The following CREBL2 variants were observed in gnomAD, a reference collection of about 807,000 sequenced individuals.
CREBL2 encodes cAMP responsive element binding protein like 2.
CREBL2 carries 4 observed loss-of-function variants against 19.5 expected under a neutral mutation model. The ratio of observed to expected loss-of-function variants is 0.20; its 90% CI spans 0.10 to 0.47. The LOEUF (loss-of-function observed/expected upper bound fraction) is 0.47. Ranked by LOEUF, CREBL2 falls within the 20% of genes least tolerant of loss-of-function variation. CREBL2 has a pLI of 0.98. For missense variants in CREBL2, 85 were observed against 145.1 expected (o/e 0.59, Z 2.13); for synonymous variants, 42 against 46.6 (o/e 0.90, Z 0.40).
intron 3 of CREBL2, among the ~76,000 whole-genome samples, chr12:12,639,508 A>G (rs1945501362): frequency 6.6e-6 from 1 of 152,148 alleles, no homozygotes; most frequent in East Asian, 1.9e-4. Context: ...ATGGAGTGGT[A>G]TCTCATTGTG....
intron 1 of CREBL2, among the ~76,000 whole-genome samples, chr12:12,626,271 C>G (rs71457160): frequency 3.3e-5 from 5 of 152,200 alleles, no homozygotes; most frequent in African/African-American, 1.2e-4. Flanking sequence ...ACTGTGAAGC[C>G]TAGGCCATCC....
In CREBL2 at chr12:12,637,694, CAG is replaced by C; in HGVS notation, c.340_341del (p.Asp114CysfsTer2). ...AGCAGGCATACCAAGGCTGGGAAGA[CAG>C]ATGCTAATAGCAATTCCTGTAAGTG... is the stretch of plus-strand genomic sequence containing the variant. On this transcript the variant is annotated frameshift_variant, in exon 3 of 4. Transcript: ENST00000228865. LOFTEE classifies it high-confidence loss of function. 1 of 1,612,100 alleles carries C rather than the reference CAG, an allele frequency of 6.2e-7. No homozygotes were observed. The highest frequency in any genetic ancestry group is 8.5e-7 in the Non-Finnish European group (1 of 1,179,272).
chr12:12,619,646 C>T (rs935614196), intron 1 of CREBL2, among the ~76,000 whole-genome samples: 6 of 152,100 alleles, frequency 3.9e-5, no homozygotes, highest in Non-Finnish European at 8.8e-5. Flanking sequence ...CCTTGACCTG[C>T]TGCATTCAAT....
intron 1 of CREBL2, among the ~76,000 whole-genome samples, chr12:12,622,334 A>G (rs1426616844): frequency 2.0e-5 from 3 of 152,250 alleles, no homozygotes; most frequent in African/African-American, 7.2e-5. Flanking sequence ...TTCTGAAAAG[A>G]TAAAGAGTGA....
intron 1 of CREBL2, among the ~76,000 whole-genome samples, chr12:12,619,934 T>A (rs1195252227): frequency 6.6e-6 from 1 of 152,190 alleles, no homozygotes; most frequent in Non-Finnish European, 1.5e-5. Flanking sequence ...CTTTTAACCC[T>A]CTCCCTCTGC....
In CREBL2 at chr12:12,642,576, T is replaced by C. The variant is rs982824992; in HGVS notation, c.*578T>C. The C allele has an allele frequency of 6.6e-6, 1 of 152,644 alleles. No individual in the cohort carries two copies. Among genetic ancestry groups the C allele is most frequent in the Non-Finnish European group, 1.5e-5 (1 of 68,042 alleles). 9.5% of individuals were successfully genotyped at this position (152,644 alleles called of 1,614,324 possible). On this transcript the variant is annotated 3_prime_UTR_variant, in exon 4 of 4. Coordinates refer to ENST00000228865, the MANE Select transcript of CREBL2 (RefSeq NM_001310.4). ...TAAGCTGTGAATATGTATTAACAAA[T>C]ATATACATTTCTATTTTTATAATCC...
Position 12,612,043 on chromosome 12 carries a change from T to G in CREBL2, c.-130T>G. The G allele has an allele frequency of 8.1e-6, 9 of 1,111,962 alleles. No individual in the cohort carries two copies. In the South Asian group the frequency reaches 1.1e-4, roughly 13 times the overall value. The allele number at this position is 1,111,962 out of a possible 1,614,324, so 68.9% of individuals were successfully genotyped here. A position where few individuals can be genotyped will look rare whatever the true frequency, so the allele number is the denominator to read the frequency against. On this transcript the variant is annotated 5_prime_UTR_variant, in exon 1 of 4. Coordinates refer to ENST00000228865, the MANE Select transcript of CREBL2 (RefSeq NM_001310.4). ...TGACTCTGGCATCAGGGAAGCGAAC[T>G]GTTAGGCGAGAGGAGGAGGCAGCCA...
chr12:12,616,373 C>T (rs1198715449), intron 1 of CREBL2, among the ~76,000 whole-genome samples: 4 of 152,216 alleles, frequency 2.6e-5, no homozygotes, highest in Admixed American at 1.3e-4. Context: ...CCGTGAATTA[C>T]TTCCTAAAGG....
At chr12:12,630,112 G>A (rs751060219) in intron 1 of CREBL2, among the ~76,000 whole-genome samples, 10 of 152,054 alleles carry the variant, frequency 6.6e-5, no homozygotes, top group Non-Finnish European at 1.2e-4. Flanking sequence ...TATTGGCCTC[G>A]TGGAGTAAGT....
At chr12:12,624,034 A>G (rs950453883) in intron 1 of CREBL2, among the ~76,000 whole-genome samples, 2 of 152,172 alleles carry the variant, frequency 1.3e-5, no homozygotes, top group Admixed American at 6.5e-5. Flanking sequence ...GCTCCACCAG[A>G]CTGCCCCAGT....
intron 1 of CREBL2, among the ~76,000 whole-genome samples, chr12:12,626,585 C>T (rs112705004): frequency 0.012 from 1,762 of 152,130 alleles, 31 homozygotes; most frequent in African/African-American, 0.04. Context: ...ATTCACAAAC[C>T]ATAAAATTCA....
intron 1 of CREBL2, 94 bp downstream of exon 1, chr12:12,612,281 A>G: frequency 1.9e-6 from 3 of 1,601,832 alleles, no homozygotes; most frequent in Non-Finnish European, 2.6e-6. Flanking sequence ...GCCAACACCC[A>G]AGAGACACCT....
At position 12,641,513 on chromosome 12, in the gene CREBL2, T is replaced by A. The variant is rs151003098; in HGVS notation, c.359-481T>A. Among the ~76,000 whole-genome samples, 837 of 152,060 alleles carry A rather than the reference T, an allele frequency of 5.5e-3. 8 individuals carry two copies. Among genetic ancestry groups the A allele is most frequent in the African/African-American group, 0.019 (797 of 41,486 alleles). On this transcript the variant is annotated intron_variant, in intron 3 of 3. Coordinates refer to ENST00000228865, the MANE Select transcript of CREBL2 (RefSeq NM_001310.4). ...TAGTAGAGACAGGGTTTCACCATGTTGGCCAGGCTGGTCTTGAACTCCTGA... is the reference window on the plus strand; with the variant it reads ...TAGTAGAGACAGGGTTTCACCATGTAGGCCAGGCTGGTCTTGAACTCCTGA...
Position 12,643,018 on chromosome 12 carries a change from A to T in CREBL2, c.*1020A>T, listed in dbSNP as rs114953806. ...AAAAAAAGGGACAAATTGCTGGTAG[A>T]TCTACTGACTGTAGCCATCACCAGA... is the stretch of plus-strand genomic sequence containing the variant. On this transcript the variant is annotated 3_prime_UTR_variant, in exon 4 of 4. Coordinates refer to ENST00000228865, the MANE Select transcript of CREBL2 (RefSeq NM_001310.4). 1.3e-3 allele frequency: 203 copies of T among 152,724 alleles called. No homozygotes were observed. The highest frequency in any genetic ancestry group is 4.7e-3 in the African/African-American group (197 of 41,564). The allele number at this position is 152,724 out of a possible 1,614,324, so 9.5% of individuals were successfully genotyped here.
At chr12:12,618,132 C>G (rs181504090) in intron 1 of CREBL2, among the ~76,000 whole-genome samples, 1 of 152,196 alleles carries the variant, frequency 6.6e-6, no homozygotes, top group South Asian at 2.1e-4. Context: ...CTTTTCTATT[C>G]GACAAAACTG....
chr12:12,613,990 CTTTTTTTTTTT>C, intron 1 of CREBL2, among the ~76,000 whole-genome samples: 1 of 72,962 alleles, frequency 1.4e-5, no homozygotes, highest in African/African-American at 5.5e-5. Context: ...TCTTTTTTTT[CTTTTTTTTTTT>C]TTTTTTTTTG....
chr12:12,615,405 C>T (rs2136298365), intron 1 of CREBL2: 1 of 151,810 alleles, frequency 6.6e-6, no homozygotes, highest in Admixed American at 6.6e-5. Context: ...TCATGTTGGC[C>T]AGGCTGGTCT....
At chr12:12,624,851 G>A (rs1214364490) in intron 1 of CREBL2, among the ~76,000 whole-genome samples, 1 of 152,196 alleles carries the variant, frequency 6.6e-6, no homozygotes, top group Non-Finnish European at 1.5e-5. Context: ...GTAAAATGAG[G>A]TCACACAAAT....
At chr12:12,612,741 T>G (rs1945278120) in intron 1 of CREBL2, among the ~76,000 whole-genome samples, 1 of 152,340 alleles carries the variant, frequency 6.6e-6, no homozygotes, top group African/African-American at 2.4e-5. Flanking sequence ...ATACTGATTT[T>G]CCTCTTGTTA....
Sources: allele counts gnomAD v4.1 joint callset (sites outside exome capture counted in the v4.1 genomes callset), GRCh38; gene constraint gnomAD v4.1.1; transcripts MANE v1.5; gene names NCBI Gene and HGNC (gene_info 2026-07-23, HGNC 2026-07-21).